VIT: variants seen among roughly 807,000 people sequenced by gnomAD.
VIT encodes vitrin.
In VIT, 99 loss-of-function variants were observed where a neutral mutation model predicts 78.0. The ratio of observed to expected loss-of-function variants is 1.27; its 90% confidence interval spans 1.08 to 1.50. VIT has a LOEUF of 1.50. VIT is among the 40% of genes most tolerant of loss of function. VIT has a pLI of 0.00. For missense variants in VIT, 1,126 were observed against 875.3 expected, an observed-to-expected ratio of 1.29 and a Z score of -3.61; for synonymous variants, 374 against 334.3, an observed-to-expected ratio of 1.12 and a Z score of -1.29.
intron 6 of VIT, among the ~76,000 whole-genome samples, chr2:36,766,229 A>C (rs1272614526): frequency 6.6e-6 from 1 of 152,258 alleles, no homozygotes; most frequent in Non-Finnish European, 1.5e-5. Flanking sequence ...GAAGAGCACC[A>C]TTTAGAAGTC....
intron 7 of VIT, among the ~76,000 whole-genome samples, chr2:36,768,056 T>A (rs13019689): frequency 6.6e-6 from 1 of 152,030 alleles, no homozygotes; most frequent in Non-Finnish European, 1.5e-5. Context: ...TTGCAGTCAC[T>A]ACTGCCACAT....
chr2:36,805,508 TGTG>T lies in VIT; in HGVS notation c.1243_1245del (p.Val415del). The stretch of plus-strand genomic sequence containing the variant: ...ATGGAAACAGAAGCGGGGCTCCCAA[TGTG>T]GTGGTGGTGATGGTGGATGGCTGGC... On this transcript the variant is annotated inframe_deletion, in exon 14 of 16. Coordinates refer to ENST00000379242, the MANE Select transcript of VIT (RefSeq NM_053276.4). The T allele has an allele frequency of 6.2e-7, 1 of 1,613,978 alleles. No homozygotes were observed. The highest frequency in any genetic ancestry group is 1.1e-5 in the South Asian group (1 of 91,064).
chr2:36,784,715 G>T (rs1312696512), intron 11 of VIT, among the ~76,000 whole-genome samples: 1 of 152,176 alleles, frequency 6.6e-6, no homozygotes, highest in Non-Finnish European at 1.5e-5. Context: ...TCTCTTCCTT[G>T]ACTTTCAACC....
intron 3 of VIT, among the ~76,000 whole-genome samples, chr2:36,730,721 C>T (rs761955576): frequency 6.6e-5 from 10 of 152,220 alleles, no homozygotes; most frequent in Non-Finnish European, 1.0e-4. Context: ...ATAAGCTGGA[C>T]ATTGAAGGGT....
intron 10 of VIT, among the ~76,000 whole-genome samples, chr2:36,782,746 A>G (rs1323094111): frequency 2.0e-5 from 3 of 152,236 alleles, no homozygotes; most frequent in African/African-American, 7.2e-5. Context: ...ACAGCTTCTG[A>G]GAGCATGAAA....
At chr2:36,800,525 A>G (rs1488164478) in intron 12 of VIT, among the ~76,000 whole-genome samples, 6 of 152,242 alleles carry the variant, frequency 3.9e-5, no homozygotes, top group Admixed American at 3.9e-4. Flanking sequence ...GTGACTGCGC[A>G]GGTCTCACGC....
intron 4 of VIT, among the ~76,000 whole-genome samples, chr2:36,749,978 C>G (rs1185419678): frequency 6.6e-6 from 1 of 152,124 alleles, no homozygotes; most frequent in Non-Finnish European, 1.5e-5. Context: ...ATTTCATTGG[C>G]TATAGTAATC....
intron 4 of VIT, among the ~76,000 whole-genome samples, chr2:36,747,322 C>A (rs1054789452): frequency 7.2e-5 from 11 of 152,104 alleles, no homozygotes; most frequent in African/African-American, 2.7e-4. Context: ...GCCAACTGAT[C>A]AAATGTTGAG....
chr2:36,773,779 A>G lies in VIT; in HGVS notation c.680-12A>G. On this transcript the variant is annotated splice_polypyrimidine_tract_variant and intron_variant, in intron 7 of 15. Coordinates refer to ENST00000379242, the MANE Select transcript of VIT (RefSeq NM_053276.4). The stretch of plus-strand genomic sequence containing the variant: ...TAAAATTCATGCTCTGACCAGTCAA[A>G]TGTCCTTACAGATCTCTGGTCCACT... The G allele has an allele frequency of 6.3e-7, 1 of 1,580,162 alleles. No individual in the cohort carries two copies. The highest frequency in any genetic ancestry group is 1.2e-5 in the South Asian group (1 of 83,244).
chr2:36,808,317 G>A (rs774427892), intron 14 of VIT, among the ~76,000 whole-genome samples, 155 bp from the exon 15 acceptor site: 3 of 152,192 alleles, frequency 2.0e-5, no homozygotes, highest in African/African-American at 7.2e-5. Context: ...GTGAGTGGCC[G>A]CTGGGTGAAC....
At chr2:36,803,417 T>C (rs1440676974) in intron 13 of VIT, among the ~76,000 whole-genome samples, 2 of 152,208 alleles carry the variant, frequency 1.3e-5, no homozygotes, top group East Asian at 3.9e-4. Context: ...GTGGATGGAA[T>C]GTGTGTTGAG....
chr2:36,764,360 G>C (rs4670604), intron 6 of VIT, among the ~76,000 whole-genome samples: 143,132 of 152,306 alleles, frequency 0.94, 67,796 homozygotes, highest in East Asian at 1. Context: ...CTGCATCTCC[G>C]TAAGGAGGCA....
At chr2:36,755,625 C>G (rs1668713917) in intron 5 of VIT, among the ~76,000 whole-genome samples, 1 of 152,112 alleles carries the variant, frequency 6.6e-6, no homozygotes, top group South Asian at 2.1e-4. Flanking sequence ...AGCTTGTTCC[C>G]CAACAAATTT....
At chr2:36,759,308 G>A in intron 6 of VIT, 1 of 1,445,006 alleles carries the variant, frequency 6.9e-7, no homozygotes, top group Non-Finnish European at 9.1e-7. Context: ...ATTGACTGTT[G>A]CCTTGAGTTT....
Position 36,783,393 on chromosome 2 carries a change from G to T in VIT, c.901G>T (p.Gly301Ter). ...ACAGTCTTTGGAGCCAGTATCCCTG[G>T]GAGATCCAAGTAAGTTAATTGACAA... ...STQSLEPVSLGDPNCKIDLSF... is the reference protein window; with the variant it reads ...STQSLEPVSL Residue 301 changes from glycine (G) to a stop codon, truncating the protein, a stop_gained, in exon 11 of 16, where the codon GGA (glycine) becomes TGA (stop). Coordinates refer to ENST00000379242, the MANE Select transcript of VIT (RefSeq NM_053276.4). LOFTEE classifies it high-confidence loss of function. The T allele has an allele frequency of 1.9e-6, 3 of 1,614,076 alleles. No homozygotes were observed. Among genetic ancestry groups the T allele is most frequent in the Non-Finnish European group, 2.5e-6 (3 of 1,180,006 alleles).
In VIT at chr2:36,765,396, G is replaced by C. The variant is rs116302963; in HGVS notation, c.488-1698G>C. On this transcript the variant is annotated intron_variant, in intron 6 of 15. Coordinates refer to ENST00000379242, the MANE Select transcript of VIT (RefSeq NM_053276.4). ...TCATGGCAGAAGGGGAAGCAGGCAT[G>C]TCTTACATGGCAGCAGGCGAGAGAG... Among the ~76,000 whole-genome samples the C allele has an allele frequency of 2.1e-4, 31 of 145,784 alleles. No homozygotes were observed. The South Asian group carries it at 2.7e-3, about 13-fold the overall frequency.
At chr2:36,767,918 C>T (rs546197667) in intron 7 of VIT, among the ~76,000 whole-genome samples, 16 of 152,254 alleles carry the variant, frequency 1.1e-4, no homozygotes, top group Admixed American at 4.6e-4. Context: ...AGCAAGGGGG[C>T]GAAAACTTCT....
Position 36,729,451 on chromosome 2 carries a change from A to C in VIT, c.78A>C (p.Ser26=). The C allele has an allele frequency of 6.2e-7, 1 of 1,609,184 alleles. No homozygotes were observed. The highest frequency in any genetic ancestry group is 1.1e-5 in the South Asian group (1 of 89,210). Residue 26 remains serine (S), a synonymous_variant, in exon 3 of 16, where the codon TCA becomes TCC. Coordinates refer to ENST00000379242, the MANE Select transcript of VIT (RefSeq NM_053276.4). ...TTTTGCTGGTGACTGGAGTACATTC[A>C]AACAAAGAAACGGCAAAGAAGATTA... The part of the protein sequence containing the change: ...FLVLLVTGVH[S]NKETAKKIKR...
chr2:36,757,660 A>G (rs755054859), intron 5 of VIT, among the ~76,000 whole-genome samples: 9 of 152,240 alleles, frequency 5.9e-5, no homozygotes, highest in Non-Finnish European at 1.2e-4. Context: ...CTAATGAGGT[A>G]AAGTAATGCA....
Sources: gnomAD v4.1 joint callset for allele counts (sites outside exome capture counted in the v4.1 genomes callset) on GRCh38, gnomAD v4.1.1 for gene constraint, MANE v1.5 for transcripts, NCBI Gene and HGNC (gene_info 2026-07-23, HGNC 2026-07-21) for gene names.